The following NEO1 variants were observed in gnomAD, a reference collection of about 807,000 sequenced individuals.
The protein encoded by NEO1 is neogenin 1, also known as neogenin.
Under a neutral mutation model 159.7 loss-of-function variants are expected in NEO1, and 63 were observed. That is an observed-to-expected ratio of 0.39 (90% CI 0.32 to 0.49). NEO1 has a LOEUF of 0.49. Among genes scored for constraint, NEO1 ranks in the 20% least tolerant of loss-of-function variants. The probability of loss-of-function intolerance (pLI) is 0.85; values close to 1 mark genes in which losing one functional copy is unlikely to be tolerated. For missense variants in NEO1, 1,615 were observed against 1,831.0 expected (o/e 0.88, Z 2.15); for synonymous variants, 633 against 662.0 (o/e 0.96, Z 0.67).
At chr15:73,248,966 A>C (rs3736511) in intron 9 of NEO1, 94 bp from the exon 10 acceptor site, 7 of 1,176,624 alleles carry the variant, frequency 5.9e-6, no homozygotes, top group Non-Finnish European at 8.3e-6. Context: ...CTATTATTTT[A>C]AAAACGTGGC....
intron 1 of NEO1, among the ~76,000 whole-genome samples, chr15:73,062,604 G>A (rs1414873730): frequency 6.6e-6 from 1 of 152,154 alleles, no homozygotes; most frequent in Admixed American, 6.5e-5. Context: ...TCATTGATTT[G>A]AGTAACAAAT....
At chr15:73,176,255 ATTTAT>A in intron 5 of NEO1, 143 bp from the exon 6 acceptor site, 1 of 409,310 alleles carries the variant, frequency 2.4e-6, no homozygotes, top group East Asian at 3.8e-5. Flanking sequence ...TTTATTATAT[ATTTAT>A]TTTATGCTTT....
At chr15:73,209,330 A>G (rs1416071145) in intron 7 of NEO1, among the ~76,000 whole-genome samples, 1 of 152,232 alleles carries the variant, frequency 6.6e-6, no homozygotes, top group Non-Finnish European at 1.5e-5. Flanking sequence ...GGAGCAAATA[A>G]TATGCAGCTC....
chr15:73,180,971 CAATAT>C (rs2035575057), intron 7 of NEO1, among the ~76,000 whole-genome samples: 1 of 151,950 alleles, frequency 6.6e-6, no homozygotes, highest in South Asian at 2.1e-4. Flanking sequence ...TTAGAGTTTA[CAATAT>C]AATAAGGGAT....
At chr15:73,140,791 A>G (rs2040597337) in intron 5 of NEO1, among the ~76,000 whole-genome samples, 1 of 152,216 alleles carries the variant, frequency 6.6e-6, no homozygotes. Context: ...ACATTCGACA[A>G]TGTGGGTAAA....
intron 4 of NEO1, among the ~76,000 whole-genome samples, chr15:73,131,566 G>T (rs1227487375): frequency 1.3e-5 from 2 of 152,044 alleles, no homozygotes; most frequent in Non-Finnish European, 2.9e-5. Context: ...ATCCATGAAG[G>T]CACCATGTGC....
Position 73,254,291 on chromosome 15 carries a change from C to G in NEO1, c.1945-391C>G, listed in dbSNP as rs559710451. Among the ~76,000 whole-genome samples the G allele has an allele frequency of 1.5e-4, 23 of 151,870 alleles. No homozygotes were observed. The South Asian group carries it at 4.6e-3, about 30-fold the overall frequency. On this transcript the variant is annotated intron_variant, in intron 12 of 28. Coordinates refer to ENST00000261908, the MANE Select transcript of NEO1 (RefSeq NM_002499.4). ...TTAAAGAGTTTTATATGGAAATTGTCTAATTTCAGCTCTTCTGCACTGGAC... is the reference window on the plus strand; with the variant it reads ...TTAAAGAGTTTTATATGGAAATTGTGTAATTTCAGCTCTTCTGCACTGGAC...
At chr15:73,071,518 T>C (rs752503860) in intron 1 of NEO1, among the ~76,000 whole-genome samples, 12 of 151,900 alleles carry the variant, frequency 7.9e-5, no homozygotes, top group Non-Finnish European at 1.6e-4. Context: ...CTTAGATGTT[T>C]TTTGTTTGTT....
chr15:73,207,323 C>G (rs565030105), intron 7 of NEO1, among the ~76,000 whole-genome samples: 23 of 152,308 alleles, frequency 1.5e-4, no homozygotes, highest in Admixed American at 4.6e-4. Context: ...ATAATCTACA[C>G]AGCACCACAC....
chr15:73,304,197 ACACATGGAAGC>A lies in NEO1; in HGVS notation c.*1504_*1514del, dbSNP rs1159047461. 6.6e-6 allele frequency: 1 copy of A among 151,068 alleles called. No individual in the cohort carries two copies. The highest frequency in any genetic ancestry group is 1.5e-5 in the Non-Finnish European group (1 of 67,784). 9.4% of individuals were successfully genotyped at this position (151,068 alleles called of 1,614,324 possible). ...CTGAGGTGAACCCAGCCGCTCAGCC[ACACATGGAAGC>A]CATTGCCTTTGCACATAGTTCTTGG... On this transcript the variant is annotated 3_prime_UTR_variant, in exon 29 of 29. Coordinates refer to ENST00000261908, the MANE Select transcript of NEO1 (RefSeq NM_002499.4).
intron 2 of NEO1, among the ~76,000 whole-genome samples, chr15:73,118,694 C>G (rs2071459090): frequency 6.6e-6 from 1 of 152,148 alleles, no homozygotes; most frequent in African/African-American, 2.4e-5. Flanking sequence ...GTGATACATT[C>G]TGTGATGACT....
At chr15:73,139,009 C>T (rs991408843) in intron 5 of NEO1, among the ~76,000 whole-genome samples, 1 of 152,022 alleles carries the variant, frequency 6.6e-6, no homozygotes, top group Non-Finnish European at 1.5e-5. Flanking sequence ...AAAAGCAGTG[C>T]GGATTTTTCC....
intron 8 of NEO1, among the ~76,000 whole-genome samples, chr15:73,240,435 G>A (rs1276277456): frequency 6.6e-6 from 1 of 152,194 alleles, no homozygotes; most frequent in Non-Finnish European, 1.5e-5. Context: ...TGAGAAGGAT[G>A]CAAAGGCAAG....
chr15:73,257,125 C>CT (rs1354929615), intron 13 of NEO1, among the ~76,000 whole-genome samples: 1 of 35,444 alleles, frequency 2.8e-5, no homozygotes, highest in Admixed American at 3.9e-4. Context: ...GAGAGAGACT[C>CT]TGTCTCCAAA....
intron 7 of NEO1, among the ~76,000 whole-genome samples, chr15:73,187,118 A>T (rs1232191293): frequency 6.6e-6 from 1 of 152,228 alleles, no homozygotes; most frequent in Non-Finnish European, 1.5e-5. Flanking sequence ...GAAGATGCTC[A>T]GATACTTTCA....
Position 73,100,706 on chromosome 15 carries a change from C to G in NEO1, c.131-15834C>G, listed in dbSNP as rs757372453. Reference sequence around the variant, plus strand: ...CCTAGAAAAGTTTAATTTCAAATGTCTACTTTCCTTCCTTTTCTACTTTAT... The same window carrying G: ...CCTAGAAAAGTTTAATTTCAAATGTGTACTTTCCTTCCTTTTCTACTTTAT... On this transcript the variant is annotated intron_variant, in intron 1 of 28. Coordinates refer to ENST00000261908, the MANE Select transcript of NEO1 (RefSeq NM_002499.4). 1.6e-3 allele frequency among the ~76,000 whole-genome samples: 250 copies of G among 152,302 alleles called. 1 individual carries two copies. The highest frequency in any genetic ancestry group is 2.1e-3 in the Non-Finnish European group (146 of 68,028).
rs149634716 is a variant in NEO1, at chr15:73,118,355, AT to A, written c.448+1499del. On this transcript the variant is annotated intron_variant, in intron 2 of 28. Coordinates refer to ENST00000261908, the MANE Select transcript of NEO1 (RefSeq NM_002499.4). The stretch of plus-strand genomic sequence containing the variant: ...CATCAAGGTAACATCTAACTCTTAA[AT>A]AACAGGCCTGTTGATTCCTTTTATG... Among the ~76,000 whole-genome samples, 1,295 of 152,100 alleles carry A rather than the reference AT, an allele frequency of 8.5e-3. 22 individuals are homozygous for A. Among genetic ancestry groups the A allele is most frequent in the African/African-American group, 0.029 (1,220 of 41,474 alleles).
intron 5 of NEO1, among the ~76,000 whole-genome samples, chr15:73,147,957 G>A (rs1244204247): frequency 6.6e-6 from 1 of 151,900 alleles, no homozygotes. Context: ...GGGATTACAG[G>A]CACCCGCCAT....
chr15:73,252,967 G>A (rs566517349), intron 11 of NEO1, among the ~76,000 whole-genome samples: 3 of 151,778 alleles, frequency 2.0e-5, no homozygotes, highest in African/African-American at 7.2e-5. Context: ...TCCAGCCTGG[G>A]CAACAAGGGT....
Sources: allele counts gnomAD v4.1 joint callset (sites outside exome capture counted in the v4.1 genomes callset), GRCh38; gene constraint gnomAD v4.1.1; transcripts MANE v1.5; gene names NCBI Gene and HGNC (gene_info 2026-07-23, HGNC 2026-07-21).